Variants in F2RL2 observed in about 807,000 individuals in gnomAD.
F2RL2 encodes coagulation factor II thrombin receptor like 2.
A neutral mutation model predicts 4.3 loss-of-function variants in F2RL2; 4 were observed. The observed-to-expected ratio is 0.93, with a 90% CI of 0.46 to 2.12. F2RL2 has a LOEUF of 2.12. F2RL2 is among the 30% of genes most tolerant of loss of function. F2RL2 has a pLI of 0.02. For synonymous variants in F2RL2, 166 were observed against 170.9 expected, an observed-to-expected ratio of 0.97 and a Z score of 0.22; for missense variants, 408 against 449.3, an observed-to-expected ratio of 0.91 and a Z score of 0.83.
chr5:76,615,822 G>C lies in F2RL2; in HGVS notation c.*1760C>G, dbSNP rs1269436720. ...ATGTCTAAGAAAAAAAATAGTGGAG[G>C]CATTATTTAAAACTTCTAAATGGCC... On this transcript the variant is annotated 3_prime_UTR_variant, in exon 2 of 2. Transcript: ENST00000296641. 1.3e-5 allele frequency: 2 copies of C among 152,454 alleles called. No homozygotes were observed. The highest frequency in any genetic ancestry group is 2.9e-5 in the Non-Finnish European group (2 of 68,004). The allele number at this position is 152,454 out of a possible 1,614,324, so 9.4% of individuals were successfully genotyped here. A position where few individuals can be genotyped will look rare whatever the true frequency, so the allele number is the denominator to read the frequency against.
chr5:76,619,526 T>C (rs1240529445), intron 1 of F2RL2, among the ~76,000 whole-genome samples: 1 of 148,524 alleles, frequency 6.7e-6, no homozygotes, highest in Non-Finnish European at 1.5e-5. Flanking sequence ...TTTTTTTTTT[T>C]TTTTTTTTTT....
At chr5:76,618,936 A>G (rs1480148318) in intron 1 of F2RL2, among the ~76,000 whole-genome samples, 1 of 152,238 alleles carries the variant, frequency 6.6e-6, no homozygotes, top group Non-Finnish European at 1.5e-5. Context: ...CATGTTGACT[A>G]CAAACTATAC....
intron 1 of F2RL2, among the ~76,000 whole-genome samples, chr5:76,621,582 C>T (rs1359008519): frequency 6.6e-6 from 1 of 152,142 alleles, no homozygotes; most frequent in Non-Finnish European, 1.5e-5. Flanking sequence ...GCTGTTAAAA[C>T]CAAGTGTTTG....
chr5:76,618,023 A>T lies in F2RL2; in HGVS notation c.684T>A (p.Phe228Leu). ...WATVFLYMLP[F>L]FILKQEYYLV... ...GATAATATTCCTGCTTCAGTATGAA[A>T]AATGGCAGCATATATAAGAAAACTG... is the stretch of plus-strand genomic sequence containing the variant. Residue 228 changes from phenylalanine (F) to leucine (L), a missense_variant, in exon 2 of 2, where the codon TTT becomes TTA. Coordinates refer to ENST00000296641, the MANE Select transcript of F2RL2 (RefSeq NM_004101.4). 4 of 1,614,206 alleles carry T rather than the reference A, an allele frequency of 2.5e-6. No individual in the cohort carries two copies. The highest frequency in any genetic ancestry group is 3.4e-6 in the Non-Finnish European group (4 of 1,180,036).
Position 76,618,581 on chromosome 5 carries a change from T to C in F2RL2, c.126A>G (p.Gly42=). The change falls in exon 2 of 2, where the codon GGA becomes GGG. Residue 42 remains glycine (G), a synonymous_variant. Coordinates refer to ENST00000296641, the MANE Select transcript of F2RL2 (RefSeq NM_004101.4). ...ACTCTTCAAAAGAATTTGGGGGAGC[T>C]CCACGAAAGGTCTTAATGGGTAAGG... ...KPTLPIKTFR[G]APPNSFEEFP... The C allele has an allele frequency of 1.2e-6, 2 of 1,614,052 alleles. No homozygotes were observed. The highest frequency in any genetic ancestry group is 2.2e-5 in the South Asian group (2 of 91,080).
chr5:76,622,596 C>T (rs1401855043), intron 1 of F2RL2, among the ~76,000 whole-genome samples: 1 of 152,062 alleles, frequency 6.6e-6, no homozygotes, highest in East Asian at 1.9e-4. Context: ...AAAGTACATT[C>T]AAAGTTGAAT....
In F2RL2 at chr5:76,618,037, A is replaced by T; in HGVS notation, c.670T>A (p.Tyr224Asn). The change falls in exon 2 of 2, where the codon TAT (tyrosine) becomes AAT (asparagine). Residue 224 changes from tyrosine (Y) to asparagine (N), a missense_variant. By Grantham distance (143) the Tyr-to-Asn change is moderately radical. Transcript: ENST00000296641. ...TTCAGTATGAAAAATGGCAGCATATATAAGAAAACTGTTGCCCACACCAGT... is the reference window on the plus strand; with the variant it reads ...TTCAGTATGAAAAATGGCAGCATATTTAAGAAAACTGTTGCCCACACCAGT... ...CGLVWATVFL[Y>N]MLPFFILKQE... 1 of 1,614,192 alleles carries T rather than the reference A, an allele frequency of 6.2e-7. No homozygotes were observed. Among genetic ancestry groups the T allele is most frequent in the South Asian group, 1.1e-5 (1 of 91,080 alleles).
Position 76,618,589 on chromosome 5 carries a change from A to G in F2RL2, c.118T>C (p.Phe40Leu), listed in dbSNP as rs1749261747. ...LAKPTLPIKT[F>L]RGAPPNSFEE... is the part of the protein sequence containing the mutation. Reference sequence around the variant, plus strand: ...AAAGAATTTGGGGGAGCTCCACGAAAGGTCTTAATGGGTAAGGTTGGCTTT... The same window carrying G: ...AAAGAATTTGGGGGAGCTCCACGAAGGGTCTTAATGGGTAAGGTTGGCTTT... The change falls in exon 2 of 2, where the codon TTT (phenylalanine) becomes CTT (leucine). Residue 40 changes from phenylalanine (F) to leucine (L), a missense_variant. Phe to Leu is a conservative substitution (Grantham distance 22). Coordinates refer to ENST00000296641, the MANE Select transcript of F2RL2 (RefSeq NM_004101.4). The G allele has an allele frequency of 6.2e-7, 1 of 1,614,094 alleles. No individual in the cohort carries two copies. The highest frequency in any genetic ancestry group is 1.1e-5 in the South Asian group (1 of 91,086).
Position 76,618,185 on chromosome 5 carries a change from A to G in F2RL2, c.522T>C (p.Tyr174=), listed in dbSNP as rs754654835. Residue 174 remains tyrosine (Y), a synonymous_variant, in exon 2 of 2, where the codon TAT becomes TAC. Coordinates refer to ENST00000296641, the MANE Select transcript of F2RL2 (RefSeq NM_004101.4). ...VLCRATTVIF[Y]GNMYCSILLL... ...GCAGAATGGAGCAGTACATGTTGCC[A>G]TAGAAGATGACTGTGGTGGCCCGGC... The G allele has an allele frequency of 2.5e-6, 4 of 1,614,210 alleles. No homozygotes were observed. The highest frequency in any genetic ancestry group is 1.7e-5 in the Admixed American group (1 of 60,022).
Position 76,617,222 on chromosome 5 carries a change from A to G in F2RL2, c.*360T>C. On this transcript the variant is annotated 3_prime_UTR_variant, in exon 2 of 2. Transcript: ENST00000296641. The stretch of plus-strand genomic sequence containing the variant: ...CACTTTGGGAGGCTGAGGCCGGAAG[A>G]TCACTTGAGGTCAGGAGTTCAAGAC... The G allele has an allele frequency of 5.7e-6, 1 of 174,760 alleles. No individual in the cohort carries two copies. Among genetic ancestry groups the G allele is most frequent in the South Asian group, 1.4e-4 (1 of 6,942 alleles). The allele number at this position is 174,760 out of a possible 1,614,324, so 10.8% of individuals were successfully genotyped here.
rs1749106093 is a variant in F2RL2 at position 76,617,573 on chromosome 5, A to G, written c.*9T>C. Reference sequence around the variant, plus strand: ...GTGATGGCTGTCCTTGTTCTCTAAGATCATTTCACTATTTTGTAAGGTAAG... The same window carrying G: ...GTGATGGCTGTCCTTGTTCTCTAAGGTCATTTCACTATTTTGTAAGGTAAG... On this transcript the variant is annotated 3_prime_UTR_variant, in exon 2 of 2. Coordinates refer to ENST00000296641, the MANE Select transcript of F2RL2 (RefSeq NM_004101.4). The G allele has an allele frequency of 6.3e-7, 1 of 1,595,972 alleles. No homozygotes were observed. Among genetic ancestry groups the G allele is most frequent in the Non-Finnish European group, 8.5e-7 (1 of 1,170,014 alleles).
In F2RL2 at chr5:76,623,295, A is replaced by C; in HGVS notation, c.-65T>G. On this transcript the variant is annotated 5_prime_UTR_variant, in exon 1 of 2. It removes the in-frame stop codon of an upstream open reading frame in the 5' UTR. Coordinates refer to ENST00000296641, the MANE Select transcript of F2RL2 (RefSeq NM_004101.4). ...CTGTAAAATCATGGAGCACAATTTC[A>C]CCTCAGTTCCATGTGTCAGCAGCAA... is the stretch of plus-strand genomic sequence containing the variant. The C allele has an allele frequency of 6.3e-7, 1 of 1,575,156 alleles. No individual in the cohort carries two copies. Among genetic ancestry groups the C allele is most frequent in the Non-Finnish European group, 8.7e-7 (1 of 1,144,992 alleles).
At chr5:76,623,145 A>AC (rs755921653) in intron 1 of F2RL2, 22 bp downstream of exon 1, 2 of 1,612,554 alleles carry the variant, frequency 1.2e-6, no homozygotes. Flanking sequence ...TCCCCATCCT[A>AC]CCCCCTGAGA....
chr5:76,622,152 CTTTG>C (rs1191557874), intron 1 of F2RL2, among the ~76,000 whole-genome samples: 2 of 152,098 alleles, frequency 1.3e-5, no homozygotes, highest in Non-Finnish European at 2.9e-5. Context: ...TTCACTGCCT[CTTTG>C]TTTCCTTCAG....
At chr5:76,619,648 C>T (rs918582573) in intron 1 of F2RL2, among the ~76,000 whole-genome samples, 1 of 151,700 alleles carries the variant, frequency 6.6e-6, no homozygotes, top group Non-Finnish European at 1.5e-5. Context: ...TCCCCAGTAG[C>T]TGGGACTACA....
At chr5:76,622,086 C>T (rs913019963) in intron 1 of F2RL2, among the ~76,000 whole-genome samples, 1 of 152,172 alleles carries the variant, frequency 6.6e-6, no homozygotes, top group Non-Finnish European at 1.5e-5. Flanking sequence ...GCAGGTTGGA[C>T]AAGCTTGCTT....
Position 76,618,182 on chromosome 5 carries a change from G to C in F2RL2, c.525C>G (p.Gly175=). The change falls in exon 2 of 2, where the codon GGC becomes GGG. Residue 175 remains glycine (G), a synonymous_variant. Transcript: ENST00000296641. The stretch of plus-strand genomic sequence containing the variant: ...GGAGCAGAATGGAGCAGTACATGTT[G>C]CCATAGAAGATGACTGTGGTGGCCC... ...LCRATTVIFY[G]NMYCSILLLA... 1 of 1,614,168 alleles carries C rather than the reference G, an allele frequency of 6.2e-7. No homozygotes were observed. The highest frequency in any genetic ancestry group is 8.5e-7 in the Non-Finnish European group (1 of 1,180,034).
In F2RL2 at chr5:76,618,124, T is replaced by A. The variant is rs141630366; in HGVS notation, c.583A>T (p.Ile195Phe). 873 of 1,614,134 alleles carry A rather than the reference T, an allele frequency of 5.4e-4. 6 individuals are homozygous for A. In the African/African-American group the frequency reaches 0.01, roughly 19 times the overall value. The stretch of plus-strand genomic sequence containing the variant: ...CCCCGGTAGGTGAAAGGATGGACGA[T>A]GGCCAGGTAGCGGTTGATGCTGATG... ...ACISINRYLAIVHPFTYRGLP... is the reference protein window; with the variant it reads ...ACISINRYLAFVHPFTYRGLP... Residue 195 changes from isoleucine to phenylalanine, a missense_variant, in exon 2 of 2, where the codon ATC (isoleucine) becomes TTC (phenylalanine). Physicochemically the swap from Ile to Phe is conservative, Grantham distance 21. Coordinates refer to ENST00000296641, the MANE Select transcript of F2RL2 (RefSeq NM_004101.4).
Position 76,617,751 on chromosome 5 carries a change from A to G in F2RL2, c.956T>C (p.Ile319Thr), listed in dbSNP as rs1749130619. 6.2e-7 allele frequency: 1 copy of G among 1,613,820 alleles called. No individual in the cohort carries two copies. Among genetic ancestry groups the G allele is most frequent in the Non-Finnish European group, 8.5e-7 (1 of 1,179,884 alleles). The change falls in exon 2 of 2, where the codon ATT (isoleucine) becomes ACT (threonine). Residue 319 changes from isoleucine (I) to threonine (T), a missense_variant. Physicochemically the swap from Ile to Thr is moderately conservative, Grantham distance 89 (BLOSUM62 -1). Coordinates refer to ENST00000296641, the MANE Select transcript of F2RL2 (RefSeq NM_004101.4). ...GTTAGCATGGTGAATAATAAGAATA[A>G]TATTGCTTGGAGCAAAGCAAATGGT... The part of the protein sequence containing the change: ...IFTICFAPSN[I>T]ILIIHHANYY...
Sources: gnomAD v4.1 joint callset for allele counts (sites outside exome capture counted in the v4.1 genomes callset) on GRCh38, gnomAD v4.1.1 for gene constraint, MANE v1.5 for transcripts, NCBI Gene and HGNC (gene_info 2026-07-23, HGNC 2026-07-21) for gene names.